SMARCAL1: variants seen among roughly 807,000 people sequenced by gnomAD.
The protein encoded by SMARCAL1 is SNF2 related chromatin remodeling annealing helicase 1, also known as ATP-driven annealing helicase.
In SMARCAL1, 58 loss-of-function variants were observed where a neutral mutation model predicts 94.5. The ratio of observed to expected loss-of-function variants is 0.61; its 90% confidence interval spans 0.50 to 0.76. The LOEUF (loss-of-function observed/expected upper bound fraction) is 0.76. Ranked by LOEUF, SMARCAL1 falls within the 30% of genes least tolerant of loss-of-function variation. The pLI is 0.00. For missense variants in SMARCAL1, 1,051 were observed against 1,177.9 expected (o/e 0.89, Z 1.58); for synonymous variants, 422 against 455.1 (o/e 0.93, Z 0.93).
At chr2:216,424,471 C>T in intron 6 of SMARCAL1, among the ~76,000 whole-genome samples, 1 of 152,208 alleles carries the variant, frequency 6.6e-6, no homozygotes, top group Non-Finnish European at 1.5e-5. Flanking sequence ...GCCTCCCAAA[C>T]CAAGGAAGGA....
At chr2:216,440,212 T>C (rs759335387) in intron 10 of SMARCAL1, among the ~76,000 whole-genome samples, 3 of 152,206 alleles carry the variant, frequency 2.0e-5, no homozygotes, top group Non-Finnish European at 4.4e-5. Flanking sequence ...TAGGGTTAGG[T>C]ATTTTGGTTT....
At chr2:216,481,071 T>C (rs1383549753) in intron 17 of SMARCAL1, among the ~76,000 whole-genome samples, 1 of 152,174 alleles carries the variant, frequency 6.6e-6, no homozygotes, top group Non-Finnish European at 1.5e-5. Context: ...TCTGTTTGCC[T>C]GGATGATTTC....
rs1363133458 is a variant in SMARCAL1 at position 216,478,222 on chromosome 2, A to C, written c.2548A>C (p.Ile850Leu). 6.2e-7 allele frequency: 1 copy of C among 1,614,178 alleles called. No homozygotes were observed. The highest frequency in any genetic ancestry group is 1.1e-5 in the South Asian group (1 of 91,082). Reference protein sequence around the residue: ...DYLWPLIQEKIKVLAEAGLSE... With the variant: ...DYLWPLIQEKLKVLAEAGLSE... ...CAACAGGCCCCTGATTCAAGAGAAG[A>C]TTAAAGTTCTGGCAGAAGCCGGGCT... is the stretch of plus-strand genomic sequence containing the variant. The change falls in exon 17 of 18, where the codon ATT becomes CTT. Residue 850 changes from isoleucine to leucine, a missense_variant. This residue lies in a region of SMARCAL1 where 642 missense variants were observed against 754.7 expected (regional missense o/e 0.85). Transcript: ENST00000357276.
At chr2:216,435,280 A>G (rs541606963) in intron 8 of SMARCAL1, 58 bp from the exon 9 acceptor site, 6 of 1,591,320 alleles carry the variant, frequency 3.8e-6, no homozygotes, top group Admixed American at 1.7e-5. Context: ...TGCTGTCACA[A>G]CCAACAGCTG....
intron 12 of SMARCAL1, among the ~76,000 whole-genome samples, chr2:216,456,675 A>G (rs1574471573): frequency 1.3e-5 from 2 of 152,256 alleles, no homozygotes; most frequent in Admixed American, 6.5e-5. Flanking sequence ...GGCCTGCCCT[A>G]CAAGGGCTCC....
Position 216,461,827 on chromosome 2 carries a change from C to T in SMARCAL1, c.2071-2770C>T, listed in dbSNP as rs143001800. Among the ~76,000 whole-genome samples, 26 of 146,360 alleles carry T rather than the reference C, an allele frequency of 1.8e-4. No individual in the cohort carries two copies. In the East Asian group the frequency reaches 5.4e-3, roughly 30 times the overall value. Reference sequence around the variant, plus strand: ...CCAGTGTGACAGACAGAGACCTTGTCTCAAAAAAAAAAAAAACAAACCATA... The same window carrying T: ...CCAGTGTGACAGACAGAGACCTTGTTTCAAAAAAAAAAAAAACAAACCATA... On this transcript the variant is annotated intron_variant, in intron 12 of 17. Transcript: ENST00000357276.
At chr2:216,427,645 A>G (rs1693864471) in intron 6 of SMARCAL1, among the ~76,000 whole-genome samples, 5 of 152,208 alleles carry the variant, frequency 3.3e-5, no homozygotes, top group Admixed American at 2.6e-4. Flanking sequence ...CATGGTGATT[A>G]TTTTTGTGGA....
rs144907526 is a variant in SMARCAL1, at chr2:216,447,780, A to G, written c.1851+622A>G. ...ATGGCGCAGGCACCTCAGGACCTACAGTCGGCACTCCAGAAATGCTCTCCC... is the reference window on the plus strand; with the variant it reads ...ATGGCGCAGGCACCTCAGGACCTACGGTCGGCACTCCAGAAATGCTCTCCC... On this transcript the variant is annotated intron_variant, in intron 11 of 17. Coordinates refer to ENST00000357276, the MANE Select transcript of SMARCAL1 (RefSeq NM_014140.4). Among the ~76,000 whole-genome samples the G allele has an allele frequency of 1.0e-3, 156 of 152,354 alleles. 1 individual carries two copies. Among genetic ancestry groups the G allele is most frequent in the African/African-American group, 3.4e-3 (140 of 41,590 alleles).
At chr2:216,454,569 G>A (rs1694519133) in intron 12 of SMARCAL1, among the ~76,000 whole-genome samples, 1 of 152,126 alleles carries the variant, frequency 6.6e-6, no homozygotes, top group South Asian at 2.1e-4. Flanking sequence ...TCTGCACAGT[G>A]GTAAAGTAGT....
chr2:216,444,553 A>T (rs141604123), intron 10 of SMARCAL1, among the ~76,000 whole-genome samples: 2,299 of 152,216 alleles, frequency 0.015, 58 homozygotes, highest in African/African-American at 0.052. Context: ...CACTCTTGTC[A>T]CCCAGGCTGG....
chr2:216,422,791 T>C (rs1250928950), intron 5 of SMARCAL1, among the ~76,000 whole-genome samples: 1 of 152,230 alleles, frequency 6.6e-6, no homozygotes, highest in African/African-American at 2.4e-5. Flanking sequence ...GAGACCAAGC[T>C]TTCTTGATTT....
intron 12 of SMARCAL1, 73 bp from the exon 13 acceptor site, chr2:216,464,524 G>A: frequency 9.4e-7 from 1 of 1,068,300 alleles, no homozygotes; most frequent in Non-Finnish European, 1.5e-6. Flanking sequence ...GCGCATAGGA[G>A]CAATAATTAG....
At position 216,475,582 on chromosome 2, in the gene SMARCAL1, C is replaced by G; in HGVS notation, c.2427+131C>G. The G allele has an allele frequency of 1.1e-6, 1 of 943,988 alleles. No individual in the cohort carries two copies. The highest frequency in any genetic ancestry group is 1.4e-5 in the South Asian group (1 of 73,952). 58.5% of individuals were successfully genotyped at this position (943,988 alleles called of 1,614,324 possible). On this transcript the variant is annotated intron_variant, in intron 15 of 17. Transcript: ENST00000357276. This position sits in a 1 kb window ranked among gnomAD's most constrained non-coding sequence, Gnocchi z 4.4. Reference sequence around the variant, plus strand: ...ATTATACTTCCCACAAGTCAGTTTTCACTTCCTTTAAGCACTTCTATGTTG... The same window carrying G: ...ATTATACTTCCCACAAGTCAGTTTTGACTTCCTTTAAGCACTTCTATGTTG...
chr2:216,479,035 C>T (rs1215698012), intron 17 of SMARCAL1: 2 of 152,728 alleles, frequency 1.3e-5, no homozygotes, highest in Non-Finnish European at 2.9e-5. Context: ...TCCCCCATTT[C>T]AGTGAAACAC....
intron 14 of SMARCAL1, among the ~76,000 whole-genome samples, chr2:216,470,838 CAAAAAAAAA>C (rs55763206): frequency 2.1e-5 from 1 of 48,074 alleles, no homozygotes; most frequent in African/African-American, 1.0e-4. Flanking sequence ...AAGAACATCT[CAAAAAAAAA>C]AAAAAAAAAA....
At chr2:216,481,753 C>T (rs1366500161) in intron 17 of SMARCAL1, among the ~76,000 whole-genome samples, 1 of 152,184 alleles carries the variant, frequency 6.6e-6, no homozygotes, top group African/African-American at 2.4e-5. Flanking sequence ...GATCCATCCG[C>T]CTCGGCCTCC....
intron 9 of SMARCAL1, among the ~76,000 whole-genome samples, chr2:216,438,191 T>G (rs1694118073): frequency 6.6e-6 from 1 of 152,198 alleles, no homozygotes. Context: ...ACTTTATAGA[T>G]GGAAAATTGT....
rs148301107 is a variant in SMARCAL1, at chr2:216,429,338, G to A, written c.1334+556G>A. Among the ~76,000 whole-genome samples the A allele has an allele frequency of 1.9e-3, 296 of 152,338 alleles. 8 individuals are homozygous for A. Among genetic ancestry groups the A allele is most frequent in the Non-Finnish European group, 2.3e-3 (154 of 68,034 alleles). On this transcript the variant is annotated intron_variant, in intron 7 of 17. Coordinates refer to ENST00000357276, the MANE Select transcript of SMARCAL1 (RefSeq NM_014140.4). ...GTTGATTAGACTTGGTGATAGGCCT[G>A]TCCCTAGAACCAGAGGGTAAGGCCT...
intron 11 of SMARCAL1, 119 bp downstream of exon 11, chr2:216,447,277 AT>A: frequency 7.9e-7 from 1 of 1,262,528 alleles, no homozygotes; most frequent in Non-Finnish European, 1.1e-6. Flanking sequence ...AGGGGAATGG[AT>A]TTTAGTCTTT....
Sources: gnomAD v4.1 joint callset for allele counts (sites outside exome capture counted in the v4.1 genomes callset) on GRCh38, gnomAD v4.1.1 for gene constraint, gnomAD v4.1.1 regional missense constraint, Gnocchi (gnomAD v3.1) non-coding constraint, MANE v1.5 for transcripts, NCBI Gene and HGNC (gene_info 2026-07-23, HGNC 2026-07-21) for gene names.